Variants in PITPNM3 observed in about 807,000 individuals in gnomAD.
PITPNM3 encodes the protein membrane-associated phosphatidylinositol transfer protein 3.
PITPNM3 carries 26 observed loss-of-function variants against 102.0 expected under a neutral mutation model. That is an observed-to-expected ratio of 0.25 (90% confidence interval 0.19 to 0.35). PITPNM3 has a LOEUF of 0.35. PITPNM3 is among the 10% of genes least tolerant of loss of function. PITPNM3 has a pLI of 1.00. For missense variants in PITPNM3, 1,083 were observed against 1,346.1 expected (o/e 0.80, Z 3.06); for synonymous variants, 578 against 558.6 (o/e 1.03, Z -0.49).
At chr17:6,529,255 C>T (rs1179671780) in intron 2 of PITPNM3, among the ~76,000 whole-genome samples, 1 of 152,142 alleles carries the variant, frequency 6.6e-6, no homozygotes, top group Non-Finnish European at 1.5e-5. Context: ...TTCTTCCTAT[C>T]CTGGAGCTTC....
intron 2 of PITPNM3, among the ~76,000 whole-genome samples, chr17:6,529,777 C>T (rs1909039189): frequency 6.6e-6 from 1 of 152,226 alleles, no homozygotes; most frequent in Non-Finnish European, 1.5e-5. Flanking sequence ...AGATTGCTCA[C>T]ATTCACCTTG....
At chr17:6,487,392 A>T (rs1008970354) in intron 4 of PITPNM3, among the ~76,000 whole-genome samples, 6 of 152,076 alleles carry the variant, frequency 3.9e-5, no homozygotes, top group Non-Finnish European at 7.4e-5. Context: ...TATTGTTATT[A>T]TTATCATTAT....
rs960776588 is a variant in PITPNM3 at position 6,470,629 on chromosome 17, A to G, written c.1625-221T>C. Among the ~76,000 whole-genome samples the G allele has an allele frequency of 2.6e-5, 4 of 152,248 alleles. No homozygotes were observed. The South Asian group carries it at 8.3e-4, about 32-fold the overall frequency. On this transcript the variant is annotated intron_variant, in intron 12 of 19. Transcript: ENST00000262483. This position sits in a 1 kb window ranked among gnomAD's most constrained non-coding sequence, Gnocchi z 4.8. Reference sequence around the variant, plus strand: ...CCCCTAAGATGTGCGTGCCAAGCCCATGCCCAGGAAGGAGGGCCAGACCCA... The same window carrying G: ...CCCCTAAGATGTGCGTGCCAAGCCCGTGCCCAGGAAGGAGGGCCAGACCCA...
chr17:6,452,309 C>T lies in PITPNM3; in HGVS notation c.*3029G>A, dbSNP rs955919510. The T allele has an allele frequency of 6.6e-6, 1 of 152,156 alleles. No individual in the cohort carries two copies. Among genetic ancestry groups the T allele is most frequent in the Non-Finnish European group, 1.5e-5 (1 of 68,032 alleles). The allele number at this position is 152,156 out of a possible 1,614,324, so 9.4% of individuals were successfully genotyped here. A position where few individuals can be genotyped will look rare whatever the true frequency, so the allele number is the denominator to read the frequency against. ...CCTGGGCTAAGGATGCACCCTGAACCCCAACAGGGCAAATGATAAAGGAAG... is the reference window on the plus strand; with the variant it reads ...CCTGGGCTAAGGATGCACCCTGAACTCCAACAGGGCAAATGATAAAGGAAG... On this transcript the variant is annotated 3_prime_UTR_variant, in exon 20 of 20. Coordinates refer to ENST00000262483, the MANE Select transcript of PITPNM3 (RefSeq NM_031220.4).
rs1904341304 is a variant in PITPNM3 at position 6,459,347 on chromosome 17, C to G, written c.2491-1625G>C. Among the ~76,000 whole-genome samples, 1 of 152,128 alleles carries G rather than the reference C, an allele frequency of 6.6e-6. No homozygotes were observed. The highest frequency in any genetic ancestry group is 6.5e-5 in the Admixed American group (1 of 15,278). ...GCCCTCTCCTCCCGATACCTGGAGTCTCGTCTCTCTCTCCTGGTCCTCCTC... is the reference window on the plus strand; with the variant it reads ...GCCCTCTCCTCCCGATACCTGGAGTGTCGTCTCTCTCTCCTGGTCCTCCTC... On this transcript the variant is annotated intron_variant, in intron 18 of 19. Coordinates refer to ENST00000262483, the MANE Select transcript of PITPNM3 (RefSeq NM_031220.4). This position sits in a 1 kb window ranked among gnomAD's most constrained non-coding sequence, Gnocchi z 5.0.
chr17:6,531,982 T>C (rs780809304), intron 2 of PITPNM3, among the ~76,000 whole-genome samples: 10 of 152,088 alleles, frequency 6.6e-5, no homozygotes, highest in Non-Finnish European at 1.5e-4. Context: ...GGTACATGCC[T>C]GTAATCCCAG....
rs942828144 is a variant in PITPNM3, at chr17:6,537,744, A to G, written c.118+243T>C. ...CAGCAATGTGACGACTGATTGCCAC[A>G]GGATCCCTGGCACCTAGCAGAGTTC... On this transcript the variant is annotated intron_variant, in intron 2 of 19. Coordinates refer to ENST00000262483, the MANE Select transcript of PITPNM3 (RefSeq NM_031220.4). This position sits in a 1 kb window ranked among gnomAD's most constrained non-coding sequence, Gnocchi z 4.4. Among the ~76,000 whole-genome samples the G allele has an allele frequency of 6.6e-6, 1 of 152,238 alleles. No individual in the cohort carries two copies. Among genetic ancestry groups the G allele is most frequent in the Admixed American group, 6.5e-5 (1 of 15,278 alleles).
At chr17:6,474,821 T>C (rs1905230830) in intron 9 of PITPNM3, among the ~76,000 whole-genome samples, 1 of 152,202 alleles carries the variant, frequency 6.6e-6, no homozygotes, top group African/African-American at 2.4e-5. Context: ...CAACAAACTT[T>C]TTCTGCAAAG....
intron 3 of PITPNM3, among the ~76,000 whole-genome samples, chr17:6,508,341 G>A (rs143487540): frequency 1.4e-4 from 21 of 152,366 alleles, no homozygotes; most frequent in East Asian, 3.9e-4. Flanking sequence ...ACATGAAATC[G>A]TTGGCTTCCA....
intron 4 of PITPNM3, among the ~76,000 whole-genome samples, chr17:6,499,819 C>T (rs911947092): frequency 1.3e-5 from 2 of 152,180 alleles, no homozygotes; most frequent in African/African-American, 4.8e-5. Context: ...CAACTTCCAC[C>T]TCCTGGGTTC....
chr17:6,521,935 C>T (rs1221619697), intron 3 of PITPNM3, among the ~76,000 whole-genome samples: 2 of 152,274 alleles, frequency 1.3e-5, no homozygotes, highest in Admixed American at 6.5e-5. Flanking sequence ...CAGGAACTTA[C>T]AAAAAGAACC....
chr17:6,538,595 T>C (rs1395643772), intron 1 of PITPNM3, among the ~76,000 whole-genome samples: 1 of 152,200 alleles, frequency 6.6e-6, no homozygotes, highest in Non-Finnish European at 1.5e-5. Flanking sequence ...TAGTCTTAAA[T>C]GCTTCTGCCC....
chr17:6,495,749 G>A (rs1180738080), intron 4 of PITPNM3, among the ~76,000 whole-genome samples: 1 of 152,232 alleles, frequency 6.6e-6, no homozygotes. Flanking sequence ...GGAAAGAGAA[G>A]CTCCTGGACA....
chr17:6,529,119 C>A (rs1909001038), intron 2 of PITPNM3, among the ~76,000 whole-genome samples: 1 of 152,160 alleles, frequency 6.6e-6, no homozygotes, highest in Admixed American at 6.5e-5. Flanking sequence ...TGATTAAGCT[C>A]CAAGCTGAGC....
Position 6,474,571 on chromosome 17 carries a change from C to A in PITPNM3, c.1119G>T (p.Glu373Asp). The A allele has an allele frequency of 1.9e-6, 3 of 1,586,794 alleles. No individual in the cohort carries two copies. The highest frequency in any genetic ancestry group is 2.6e-6 in the Non-Finnish European group (3 of 1,167,242). Residue 373 changes from glutamate to aspartate, a missense_variant, in exon 10 of 20, where the codon GAG (glutamate) becomes GAT (aspartate). Physicochemically the swap from Glu to Asp is conservative, Grantham distance 45. Transcript: ENST00000262483. Reference sequence around the variant, plus strand: ...GCTGCGGCCCCCCAGCCGCCGGGGTCTCAGACTCATCCTTTAGCACGCTGG... The same window carrying A: ...GCTGCGGCCCCCCAGCCGCCGGGGTATCAGACTCATCCTTTAGCACGCTGG... ...IHSSVLKDESETPAAGGPQLP... is the reference protein window; with the variant it reads ...IHSSVLKDESDTPAAGGPQLP...
At chr17:6,464,628 G>A in intron 15 of PITPNM3, 27 bp downstream of exon 15, 4 of 1,593,678 alleles carry the variant, frequency 2.5e-6, no homozygotes, top group Non-Finnish European at 3.4e-6. Flanking sequence ...TGGAGTGGCT[G>A]AGGAGGGGAG....
At chr17:6,508,289 T>TG (rs1907664281) in intron 3 of PITPNM3, among the ~76,000 whole-genome samples, 2 of 152,246 alleles carry the variant, frequency 1.3e-5, no homozygotes, top group African/African-American at 4.8e-5. Context: ...AGGCTGCACC[T>TG]GGGCACGCAG....
intron 3 of PITPNM3, among the ~76,000 whole-genome samples, chr17:6,513,734 T>G (rs1907998753): frequency 6.6e-6 from 1 of 152,078 alleles, no homozygotes; most frequent in Non-Finnish European, 1.5e-5. Flanking sequence ...ATCTACAGAG[T>G]CAACACAATC....
Position 6,468,121 on chromosome 17 carries a change from C to G in PITPNM3, c.1890+104G>C. 8.9e-7 allele frequency: 1 copy of G among 1,123,522 alleles called. No individual in the cohort carries two copies. Among genetic ancestry groups the G allele is most frequent in the Non-Finnish European group, 1.3e-6 (1 of 747,204 alleles). The allele number at this position is 1,123,522 out of a possible 1,614,324, so 69.6% of individuals were successfully genotyped here. ...CTGTTTGGGTGCTGAGCTCTGAGGA[C>G]AAATTGAAGCGCTTACCTCCCATGT... On this transcript the variant is annotated intron_variant, in intron 14 of 19. Transcript: ENST00000262483. This position sits in a 1 kb window ranked among gnomAD's most constrained non-coding sequence, Gnocchi z 5.2.
Sources: allele counts gnomAD v4.1 joint callset (sites outside exome capture counted in the v4.1 genomes callset), GRCh38; gene constraint gnomAD v4.1.1; non-coding constraint Gnocchi (gnomAD v3.1); transcripts MANE v1.5; gene names NCBI Gene and HGNC (gene_info 2026-07-23, HGNC 2026-07-21).